Variants in TNR observed in about 807,000 individuals in gnomAD.
The protein encoded by TNR is tenascin R, also known as tenascin-R.
Under a neutral mutation model 150.4 loss-of-function variants are expected in TNR, and 45 were observed. That is an observed-to-expected ratio of 0.30 (90% CI 0.24 to 0.38). The LOEUF (loss-of-function observed/expected upper bound fraction) is 0.38, where lower values mean the gene tolerates loss of function less well. Among genes scored for constraint, TNR ranks in the 10% least tolerant of loss-of-function variants. The pLI, the probability that TNR is intolerant of heterozygous loss-of-function variation, is 1.00. For missense variants in TNR, 1,544 were observed against 1,759.1 expected (o/e 0.88, Z 2.19); for synonymous variants, 687 against 678.4 (o/e 1.01, Z -0.20).
At chr1:175,721,660 T>C (rs893669118) in intron 1 of TNR, among the ~76,000 whole-genome samples, 1 of 152,152 alleles carries the variant, frequency 6.6e-6, no homozygotes, top group Non-Finnish European at 1.5e-5. Context: ...TCCCTCTCAC[T>C]TCTGCACACC....
At chr1:175,471,071 T>G (rs1416485055) in intron 2 of TNR, among the ~76,000 whole-genome samples, 5 of 152,244 alleles carry the variant, frequency 3.3e-5, no homozygotes. Context: ...CTGCTTTTGT[T>G]TGACACATCT....
At chr1:175,639,875 C>T (rs572074595) in intron 1 of TNR, among the ~76,000 whole-genome samples, 1 of 152,262 alleles carries the variant, frequency 6.6e-6, no homozygotes, top group African/African-American at 2.4e-5. Context: ...GTTCAAATGT[C>T]CTCTGTCAGA....
rs765963761 is a variant in TNR, at chr1:175,354,535, G to A, written c.3250-12C>T. Reference sequence around the variant, plus strand: ...TCCACAATCAGCTCCTGTATAATGAGCCAAAGGAAGGGTGGTGGAAGGGAG... The same window carrying A: ...TCCACAATCAGCTCCTGTATAATGAACCAAAGGAAGGGTGGTGGAAGGGAG... On this transcript the variant is annotated splice_polypyrimidine_tract_variant and intron_variant, in intron 17 of 22. Coordinates refer to ENST00000367674, the MANE Select transcript of TNR (RefSeq NM_003285.3). The A allele has an allele frequency of 1.9e-6, 3 of 1,613,724 alleles. No homozygotes were observed. Among genetic ancestry groups the A allele is most frequent in the Admixed American group, 1.7e-5 (1 of 59,966 alleles).
chr1:175,741,779 A>G (rs942785536), intron 1 of TNR, among the ~76,000 whole-genome samples: 1 of 152,194 alleles, frequency 6.6e-6, no homozygotes, highest in African/African-American at 2.4e-5. Flanking sequence ...TATTTTCTTC[A>G]TCTTGGAGAA....
chr1:175,528,878 G>A (rs1659950147), intron 1 of TNR, among the ~76,000 whole-genome samples: 2 of 152,128 alleles, frequency 1.3e-5, no homozygotes, highest in Non-Finnish European at 2.9e-5. Flanking sequence ...CAACTCTTCA[G>A]GGTCAGAGTC....
In TNR at chr1:175,403,381, G is replaced by A; in HGVS notation, c.735C>T (p.Cys245=). The A allele has an allele frequency of 3.7e-6, 6 of 1,614,130 alleles. No individual in the cohort carries two copies. Among genetic ancestry groups the A allele is most frequent in the African/African-American group, 1.3e-5 (1 of 75,022 alleles). The part of the protein sequence containing the change: ...CPTDCSSRGL[C]VDGECVCEEP... The stretch of plus-strand genomic sequence containing the variant: ...CTTCACAGACACACTCCCCGTCCAC[G>A]CAGAGCCCCCGGGAGCTGCAGTCTG... Residue 245 remains cysteine (C), a synonymous_variant, in exon 4 of 23, where the codon TGC becomes TGT. Coordinates refer to ENST00000367674, the MANE Select transcript of TNR (RefSeq NM_003285.3).
intron 2 of TNR, among the ~76,000 whole-genome samples, chr1:175,510,390 A>C (rs962930674): frequency 2.0e-5 from 3 of 151,950 alleles, no homozygotes; most frequent in Non-Finnish European, 4.4e-5. Flanking sequence ...AAGACACCAC[A>C]AGTTACCATC....
intron 2 of TNR, among the ~76,000 whole-genome samples, chr1:175,516,241 T>C (rs1203919399): frequency 6.6e-6 from 1 of 152,234 alleles, no homozygotes; most frequent in East Asian, 1.9e-4. Context: ...GGGTTGTATT[T>C]GATACAAATG....
At chr1:175,525,281 C>A (rs1192094471) in intron 2 of TNR, among the ~76,000 whole-genome samples, 2 of 152,152 alleles carry the variant, frequency 1.3e-5, no homozygotes, top group Non-Finnish European at 2.9e-5. Flanking sequence ...GTCAATTAAA[C>A]CTCTTTCCTT....
chr1:175,716,186 A>G (rs1667151285), intron 1 of TNR, among the ~76,000 whole-genome samples: 1 of 152,160 alleles, frequency 6.6e-6, no homozygotes, highest in African/African-American at 2.4e-5. Context: ...TTTGTGTCTC[A>G]AAGCTCATGC....
At chr1:175,732,312 C>T (rs1202945887) in intron 1 of TNR, among the ~76,000 whole-genome samples, 2 of 152,150 alleles carry the variant, frequency 1.3e-5, no homozygotes, top group Non-Finnish European at 2.9e-5. Context: ...ACAGCTTTGG[C>T]CCAGATAATC....
At chr1:175,404,720 G>A (rs903506367) in intron 3 of TNR, among the ~76,000 whole-genome samples, 3 of 152,184 alleles carry the variant, frequency 2.0e-5, no homozygotes, top group African/African-American at 7.2e-5. Flanking sequence ...CTGGCAAAAA[G>A]TTCACTTATA....
intron 22 of TNR, 119 bp from the exon 23 acceptor site, chr1:175,323,595 A>T: frequency 7.0e-7 from 1 of 1,421,458 alleles, no homozygotes; most frequent in Admixed American, 2.1e-5. Flanking sequence ...TTTTCAGCTA[A>T]CATGAAGCTT....
intron 2 of TNR, among the ~76,000 whole-genome samples, chr1:175,430,799 T>C (rs1166067484): frequency 6.6e-6 from 1 of 152,242 alleles, no homozygotes; most frequent in African/African-American, 2.4e-5. Flanking sequence ...AAAACTTGTT[T>C]TGATCTACCA....
intron 1 of TNR, among the ~76,000 whole-genome samples, chr1:175,732,102 G>T (rs189942457): frequency 2.0e-5 from 3 of 152,326 alleles, no homozygotes; most frequent in Admixed American, 2.0e-4. Flanking sequence ...TCTTCTGGAG[G>T]CTCTGGCTAC....
chr1:175,387,502 G>A (rs1194075814), intron 7 of TNR, among the ~76,000 whole-genome samples: 1 of 152,148 alleles, frequency 6.6e-6, no homozygotes, highest in South Asian at 2.1e-4. Context: ...AAGGAAAGAG[G>A]GAGAGAGAAA....
intron 2 of TNR, among the ~76,000 whole-genome samples, chr1:175,438,973 C>T (rs1655649544): frequency 6.6e-6 from 1 of 152,082 alleles, no homozygotes; most frequent in Non-Finnish European, 1.5e-5. Context: ...AGATTCAATG[C>T]CATCCCCATC....
chr1:175,643,493 C>T (rs182359848), intron 1 of TNR, among the ~76,000 whole-genome samples: 10 of 152,228 alleles, frequency 6.6e-5, no homozygotes, highest in Non-Finnish European at 8.8e-5. Flanking sequence ...GAACCAGACA[C>T]GGTGCTTTGT....
chr1:175,539,193 C>T (rs563166107), intron 1 of TNR: 5 of 152,216 alleles, frequency 3.3e-5, no homozygotes, highest in African/African-American at 1.2e-4. Flanking sequence ...ACACAGTTCC[C>T]CAGGAAAAGA....
Sources: gnomAD v4.1 joint callset for allele counts (sites outside exome capture counted in the v4.1 genomes callset) on GRCh38, gnomAD v4.1.1 for gene constraint, MANE v1.5 for transcripts, NCBI Gene and HGNC (gene_info 2026-07-23, HGNC 2026-07-21) for gene names.